Variants in HLCS observed in about 807,000 individuals in gnomAD.
HLCS encodes the protein holocarboxylase synthetase, also known as biotin--protein ligase.
Under a neutral mutation model 75.0 loss-of-function variants are expected in HLCS, and 53 were observed. The observed-to-expected ratio is 0.71, with a 90% CI of 0.57 to 0.89. The LOEUF is 0.89. Ranked by LOEUF, HLCS falls within the 40% of genes least tolerant of loss-of-function variation. The probability of loss-of-function intolerance (pLI) is 0.00; values close to 1 mark genes in which losing one functional copy is unlikely to be tolerated. For synonymous variants in HLCS, 431 were observed against 428.6 expected (o/e 1.01, Z -0.07); for missense variants, 966 against 1,074.0 (o/e 0.90, Z 1.41).
At chr21:36,819,851 G>T (rs182034906) in intron 6 of HLCS, among the ~76,000 whole-genome samples, 34 of 152,198 alleles carry the variant, frequency 2.2e-4, no homozygotes, top group African/African-American at 7.7e-4. Context: ...CTAAAAGAAA[G>T]AAAAATAACT....
intron 1 of HLCS, chr21:36,972,102 T>G (rs531842843): frequency 6.6e-6 from 1 of 152,228 alleles, no homozygotes; most frequent in South Asian, 2.1e-4. Context: ...GCTCATCGCA[T>G]CTGGTTTAAG....
intron 6 of HLCS, among the ~76,000 whole-genome samples, chr21:36,840,983 A>C (rs1282918574): frequency 6.6e-6 from 1 of 152,094 alleles, no homozygotes; most frequent in Non-Finnish European, 1.5e-5. Flanking sequence ...TTGTTTTTTC[A>C]AAGAGGGGTG....
chr21:36,817,911 A>G (rs2061710843), intron 6 of HLCS, among the ~76,000 whole-genome samples: 1 of 152,224 alleles, frequency 6.6e-6, no homozygotes, highest in Non-Finnish European at 1.5e-5. Flanking sequence ...CAGCTGGCTA[A>G]GGGTCACAAT....
chr21:36,970,613 C>A (rs1252056950), upstream of HLCS, among the ~76,000 whole-genome samples: 1 of 152,072 alleles, frequency 6.6e-6, no homozygotes, highest in Non-Finnish European at 1.5e-5. Flanking sequence ...AAGCAATCTA[C>A]CCGCCTCGGC....
At chr21:36,892,919 G>T (rs2064852828) in intron 6 of HLCS, among the ~76,000 whole-genome samples, 2 of 152,162 alleles carry the variant, frequency 1.3e-5, no homozygotes. Flanking sequence ...CCAGTCCATA[G>T]TTCTGAAAAT....
Position 36,930,406 on chromosome 21 carries a change from T to C in HLCS, c.1465A>G (p.Asn489Asp), listed in dbSNP as rs1412622151. The change falls in exon 5 of 11, where the codon AAC (asparagine) becomes GAC (aspartate). Residue 489 changes from asparagine (N) to aspartate (D), a missense_variant. Asn to Asp is a conservative substitution (Grantham distance 23, BLOSUM62 1). Coordinates refer to ENST00000674895, the MANE Select transcript of HLCS (RefSeq NM_001352514.2). ...QVHLELPPSS[N>D]IVQTPEDFNL... Reference sequence around the variant, plus strand: ...AAATCTTCTGGAGTTTGCACTATGTTGGAGCTGGGAGGTAGTTCTAAGTGC... The same window carrying C: ...AAATCTTCTGGAGTTTGCACTATGTCGGAGCTGGGAGGTAGTTCTAAGTGC... The C allele has an allele frequency of 3.1e-6, 5 of 1,614,084 alleles. No individual in the cohort carries two copies. The Admixed American group carries it at 6.7e-5, about 22-fold the overall frequency.
intron 6 of HLCS, among the ~76,000 whole-genome samples, chr21:36,890,422 C>T (rs1353697725): frequency 2.0e-5 from 3 of 152,140 alleles, no homozygotes; most frequent in African/African-American, 2.4e-5. Flanking sequence ...CTGGGGAAAG[C>T]GCATCACTAA....
At chr21:36,926,548 A>G (rs2066414673) in intron 5 of HLCS, among the ~76,000 whole-genome samples, 1 of 152,204 alleles carries the variant, frequency 6.6e-6, no homozygotes, top group Non-Finnish European at 1.5e-5. Context: ...GCTCATTATA[A>G]AATAACTCAT....
intron 1 of HLCS, among the ~76,000 whole-genome samples, chr21:36,985,011 C>T (rs1020913392): frequency 6.6e-6 from 1 of 152,066 alleles, no homozygotes. Flanking sequence ...TTTCCAGAAC[C>T]ATTTGAGATT....
At chr21:36,807,335 G>A (rs1343826061) in intron 6 of HLCS, among the ~76,000 whole-genome samples, 1 of 152,028 alleles carries the variant, frequency 6.6e-6, no homozygotes, top group Admixed American at 6.6e-5. Context: ...AGCTACGGAG[G>A]GAGGCCACAT....
intron 6 of HLCS, among the ~76,000 whole-genome samples, chr21:36,892,033 G>A (rs1385614441): frequency 6.6e-6 from 1 of 152,158 alleles, no homozygotes; most frequent in African/African-American, 2.4e-5. Context: ...TTTTTAGGCT[G>A]AAAAACTGTC....
chr21:36,843,456 C>G (rs376191803), intron 6 of HLCS, among the ~76,000 whole-genome samples: 1 of 148,928 alleles, frequency 6.7e-6, no homozygotes, highest in Non-Finnish European at 1.5e-5. Context: ...ACCCCACCCC[C>G]GAAAAAAGAA....
At chr21:36,836,975 T>C (rs2062434687) in intron 6 of HLCS, among the ~76,000 whole-genome samples, 1 of 152,050 alleles carries the variant, frequency 6.6e-6, no homozygotes, top group East Asian at 1.9e-4. Context: ...CCTGAGGTCA[T>C]GAGTTCAAGA....
chr21:36,771,644 A>G (rs140246243), intron 6 of HLCS, among the ~76,000 whole-genome samples: 87 of 152,300 alleles, frequency 5.7e-4, no homozygotes, highest in African/African-American at 1.9e-3. Context: ...CTTTTAGGTG[A>G]TTTAATCAGG....
chr21:36,826,021 G>C (rs1423575236), intron 6 of HLCS, among the ~76,000 whole-genome samples: 3 of 151,272 alleles, frequency 2.0e-5, no homozygotes, highest in Non-Finnish European at 4.4e-5. Flanking sequence ...ATTAGAGTAA[G>C]AAGTTATTTT....
intron 6 of HLCS, among the ~76,000 whole-genome samples, chr21:36,768,218 C>G (rs2090111389): frequency 6.6e-6 from 1 of 152,144 alleles, no homozygotes; most frequent in Non-Finnish European, 1.5e-5. Flanking sequence ...TGATTTTTTT[C>G]TTTTCTTTTC....
rs373435189 is a variant in HLCS, at chr21:36,867,162, T to G, written c.1892+29698A>C. On this transcript the variant is annotated intron_variant, in intron 6 of 10. Transcript: ENST00000674895. The stretch of plus-strand genomic sequence containing the variant: ...TCCCATAAAAGAGAAACATCACACA[T>G]GTACATATATCTGGGGGGCAGAGTT... Among the ~76,000 whole-genome samples the G allele has an allele frequency of 7.9e-5, 12 of 152,286 alleles. No individual in the cohort carries two copies. In the East Asian group the frequency reaches 2.3e-3, roughly 29 times the overall value.
intron 2 of HLCS, among the ~76,000 whole-genome samples, chr21:36,942,398 C>CAAAAAAAAAAAAAAAAAAAAA (rs55999516): frequency 1.2e-5 from 1 of 80,974 alleles, no homozygotes; most frequent in African/African-American, 5.1e-5. Flanking sequence ...GACTCCGTCT[C>CAAAAAAAAAAAAAAAAAAAAA]AAAAAAAAAA....
At chr21:36,887,034 G>T (rs2064499243) in intron 6 of HLCS, among the ~76,000 whole-genome samples, 1 of 152,094 alleles carries the variant, frequency 6.6e-6, no homozygotes, top group Admixed American at 6.5e-5. Context: ...GGAGGCTGGG[G>T]CAGGATAATT....
Sources: allele counts gnomAD v4.1 joint callset (sites outside exome capture counted in the v4.1 genomes callset), GRCh38; gene constraint gnomAD v4.1.1; transcripts MANE v1.5; gene names NCBI Gene and HGNC (gene_info 2026-07-23, HGNC 2026-07-21).